The following NCOA3 variants were observed in gnomAD, a reference collection of about 807,000 sequenced individuals.
The protein encoded by NCOA3 is nuclear receptor coactivator 3.
In NCOA3, 51 loss-of-function variants were observed where a neutral mutation model predicts 158.8. The ratio of observed to expected loss-of-function variants is 0.32; its 90% CI spans 0.26 to 0.41. The LOEUF (loss-of-function observed/expected upper bound fraction) is 0.41. Among genes scored for constraint, NCOA3 ranks in the 10% least tolerant of loss-of-function variants. NCOA3 has a pLI of 1.00. For synonymous variants in NCOA3, 537 were observed against 592.4 expected (o/e 0.91, Z 1.36); for missense variants, 1,510 against 1,746.6 (o/e 0.86, Z 2.41).
At chr20:47,650,846 G>C in intron 19 of NCOA3, 136 bp from the exon 20 acceptor site, 1 of 829,608 alleles carries the variant, frequency 1.2e-6, no homozygotes, top group Admixed American at 2.3e-5. Context: ...CTGGGCGACA[G>C]AGTGAGACCC....
chr20:47,631,633 G>T (rs565167718), intron 8 of NCOA3, among the ~76,000 whole-genome samples: 111 of 152,272 alleles, frequency 7.3e-4, no homozygotes, highest in African/African-American at 2.5e-3. Context: ...CCAAGTTTAG[G>T]TATTAAGTGT....
rs888673086 is a variant in NCOA3, at chr20:47,540,589, AT to A, written c.-99+38572del. Among the ~76,000 whole-genome samples, 12 of 143,318 alleles carry A rather than the reference AT, an allele frequency of 8.4e-5. 1 individual carries two copies. In the Middle Eastern group the frequency reaches 0.011, roughly 131 times the overall value. The allele number at this position is 143,318 out of a possible 152,430, so 94.0% of individuals were successfully genotyped here. On this transcript the variant is annotated intron_variant, in intron 1 of 22. Transcript: ENST00000371998. ...CTCTTGTCTCAAAAAAAAAAAAAAA[AT>A]TCAAATATCTTTGTATTTACTCTGT...
chr20:47,567,480 C>T (rs1164838540), intron 1 of NCOA3, among the ~76,000 whole-genome samples: 1 of 151,996 alleles, frequency 6.6e-6, no homozygotes, highest in African/African-American at 2.4e-5. Context: ...ACAGCTCACT[C>T]AACCTCGAAC....
At chr20:47,508,973 A>G (rs1200260053) in intron 1 of NCOA3, among the ~76,000 whole-genome samples, 2 of 152,230 alleles carry the variant, frequency 1.3e-5, no homozygotes, top group African/African-American at 2.4e-5. Flanking sequence ...ATACAATTCT[A>G]TAAACTTAAG....
At chr20:47,606,161 T>C (rs1478592734) in intron 2 of NCOA3, among the ~76,000 whole-genome samples, 1 of 152,208 alleles carries the variant, frequency 6.6e-6, no homozygotes, top group East Asian at 1.9e-4. Flanking sequence ...ATTTATTACA[T>C]GAACGTGGGG....
chr20:47,654,600 C>A lies in NCOA3; in HGVS notation c.*1183C>A, dbSNP rs1482865222. On this transcript the variant is annotated 3_prime_UTR_variant, in exon 23 of 23. Transcript: ENST00000371998. ...TCCACAGCTTTTCCTTCCCCACCCC[C>A]CAGCCTTAGATGCCTCGCTCTTTTC... The A allele has an allele frequency of 6.6e-6, 1 of 152,476 alleles. No homozygotes were observed. The highest frequency in any genetic ancestry group is 1.5e-5 in the Non-Finnish European group (1 of 68,024). The allele number at this position is 152,476 out of a possible 1,614,324, so 9.4% of individuals were successfully genotyped here.
chr20:47,650,426 T>G (rs2146346726), intron 19 of NCOA3, among the ~76,000 whole-genome samples: 1 of 151,910 alleles, frequency 6.6e-6, no homozygotes, highest in Non-Finnish European at 1.5e-5. Context: ...AGTTTTGGTA[T>G]TTTTAGTAGA....
chr20:47,643,821 T>C (rs970205501), intron 17 of NCOA3, among the ~76,000 whole-genome samples: 3 of 151,696 alleles, frequency 2.0e-5, no homozygotes, highest in African/African-American at 7.3e-5. Context: ...TTATATACTT[T>C]TGAAAGATTT....
chr20:47,606,684 T>C (rs754215247), intron 2 of NCOA3, among the ~76,000 whole-genome samples: 4 of 152,198 alleles, frequency 2.6e-5, no homozygotes, highest in African/African-American at 4.8e-5. Flanking sequence ...GAAAAGCACT[T>C]GCGCAGTTTG....
intron 1 of NCOA3, among the ~76,000 whole-genome samples, chr20:47,515,068 C>T (rs559907435): frequency 2.0e-5 from 3 of 151,376 alleles, no homozygotes; most frequent in Non-Finnish European, 4.4e-5. Flanking sequence ...TTTGAAAAAC[C>T]GGGACTATGA....
intron 17 of NCOA3, among the ~76,000 whole-genome samples, chr20:47,643,080 T>A (rs1212349069): frequency 6.6e-6 from 1 of 152,112 alleles, no homozygotes; most frequent in East Asian, 1.9e-4. Context: ...CCGGGTAATT[T>A]CTTTTGTATT....
intron 19 of NCOA3, among the ~76,000 whole-genome samples, chr20:47,650,512 A>T (rs2086765452): frequency 6.6e-6 from 1 of 151,596 alleles, no homozygotes; most frequent in Admixed American, 6.6e-5. Flanking sequence ...TGGCCTCCCA[A>T]AGTGCTGGGA....
intron 1 of NCOA3, among the ~76,000 whole-genome samples, chr20:47,533,942 CGAAAAAACAAAA>C (rs2084591557): frequency 6.6e-6 from 1 of 151,740 alleles, no homozygotes; most frequent in Admixed American, 6.6e-5. Context: ...CAAAAACAAA[CGAAAAAACAAAA>C]CACAAAAAAC....
At chr20:47,570,937 T>C (rs568848283) in intron 1 of NCOA3, among the ~76,000 whole-genome samples, 2,107 of 111,594 alleles carry the variant, frequency 0.019, 52 homozygotes, top group African/African-American at 0.056. Context: ...CAGTAATATA[T>C]ATACACACAC....
At chr20:47,649,571 A>T (rs2086748137) in intron 19 of NCOA3, among the ~76,000 whole-genome samples, 1 of 152,112 alleles carries the variant, frequency 6.6e-6, no homozygotes, top group Non-Finnish European at 1.5e-5. Flanking sequence ...GGATATTAAA[A>T]TTCCCTTCTA....
At chr20:47,595,609 T>G (rs1284544193) in intron 2 of NCOA3, among the ~76,000 whole-genome samples, 3 of 152,112 alleles carry the variant, frequency 2.0e-5, no homozygotes, top group African/African-American at 7.2e-5. Flanking sequence ...AGAATAGCTG[T>G]AAGTGATGTG....
chr20:47,563,666 C>T (rs970627634), intron 1 of NCOA3, among the ~76,000 whole-genome samples: 1 of 151,986 alleles, frequency 6.6e-6, no homozygotes, highest in African/African-American at 2.4e-5. Context: ...GCAGGCAGAT[C>T]ACCTGAGGTC....
intron 2 of NCOA3, among the ~76,000 whole-genome samples, chr20:47,598,628 C>T (rs961045430): frequency 6.6e-6 from 1 of 152,234 alleles, no homozygotes; most frequent in African/African-American, 2.4e-5. Context: ...TGAGCCACCA[C>T]ACCTGGCTGA....
chr20:47,518,686 A>G (rs2084275024), intron 1 of NCOA3, among the ~76,000 whole-genome samples: 3 of 151,534 alleles, frequency 2.0e-5, no homozygotes. Flanking sequence ...CGGCCTCCCA[A>G]AATGCTGGGA....
Sources: gnomAD v4.1 joint callset for allele counts (sites outside exome capture counted in the v4.1 genomes callset) on GRCh38, gnomAD v4.1.1 for gene constraint, MANE v1.5 for transcripts, NCBI Gene and HGNC (gene_info 2026-07-23, HGNC 2026-07-21) for gene names.